ZFYVE27: variants seen among roughly 807,000 people sequenced by gnomAD.
ZFYVE27 encodes zinc finger FYVE-type containing 27.
In ZFYVE27, 36 loss-of-function variants were observed where a neutral mutation model predicts 52.8. The observed-to-expected ratio is 0.68, with a 90% CI of 0.52 to 0.90. ZFYVE27 has a LOEUF of 0.90. ZFYVE27 is among the 40% of genes least tolerant of loss of function. The pLI, the probability that ZFYVE27 is intolerant of heterozygous loss-of-function variation, is 0.00. For missense variants in ZFYVE27, 450 were observed against 527.2 expected (o/e 0.85, Z 1.43); for synonymous variants, 223 against 215.6 (o/e 1.03, Z -0.30).
Position 97,759,463 on chromosome 10 carries a change from C to A in ZFYVE27, c.*163C>A. 3 of 758,534 alleles carry A rather than the reference C, an allele frequency of 4.0e-6. No homozygotes were observed. Among genetic ancestry groups the A allele is most frequent in the Non-Finnish European group, 4.6e-6 (2 of 436,246 alleles). 47.0% of individuals were successfully genotyped at this position (758,534 alleles called of 1,614,324 possible). On this transcript the variant is annotated 3_prime_UTR_variant, in exon 13 of 13. Coordinates refer to ENST00000684270, the MANE Select transcript of ZFYVE27 (RefSeq NM_001385875.1). The stretch of plus-strand genomic sequence containing the variant: ...CACTCTCTCCAGCTGGATTCTGGAG[C>A]TGTTCTCCATCCATGAGAGTGGCTG...
At chr10:97,753,692 G>C (rs1156701782) in intron 10 of ZFYVE27, among the ~76,000 whole-genome samples, 1 of 152,196 alleles carries the variant, frequency 6.6e-6, no homozygotes, top group Non-Finnish European at 1.5e-5. Flanking sequence ...TAGTACTTAC[G>C]AAGGGCTAGC....
intron 11 of ZFYVE27, 96 bp from the exon 12 acceptor site, chr10:97,757,546 C>T: frequency 7.0e-7 from 1 of 1,433,672 alleles, no homozygotes; most frequent in Non-Finnish European, 9.8e-7. Flanking sequence ...GGCCCAGTTT[C>T]CTTGGGTGGG....
chr10:97,749,284 T>A (rs1310935540), intron 5 of ZFYVE27, among the ~76,000 whole-genome samples, 190 bp from the exon 6 acceptor site: 1 of 152,194 alleles, frequency 6.6e-6, no homozygotes, highest in Non-Finnish European at 1.5e-5. Context: ...GCATCAGGTG[T>A]TTGCACCGGT....
At position 97,759,236 on chromosome 10, in the gene ZFYVE27, C is replaced by T. The variant is rs2049166311; in HGVS notation, c.1172C>T (p.Ala391Val). 6.2e-7 allele frequency: 1 copy of T among 1,614,022 alleles called. No individual in the cohort carries two copies. Among genetic ancestry groups the T allele is most frequent in the Admixed American group, 1.7e-5 (1 of 59,994 alleles). ...KVPKSSMGAT[A>V]PEAQRETVFV... ...TCACCAAGTTCTTCCTCCTTTTCAG[C>T]CCCTGAAGCCCAGAGGGAGACTGTG... The change falls in exon 13 of 13, where the codon GCC (alanine) becomes GTC (valine). Residue 391 changes from alanine to valine, a missense_variant and splice_region_variant. By Grantham distance (64) the Ala-to-Val change is moderately conservative. Transcript: ENST00000684270.
intron 8 of ZFYVE27, among the ~76,000 whole-genome samples, chr10:97,751,857 T>G (rs970922564): frequency 6.6e-6 from 1 of 151,750 alleles, no homozygotes; most frequent in Non-Finnish European, 1.5e-5. Context: ...GGAGGGGAGG[T>G]TGGAGAAAGT....
Position 97,737,170 on chromosome 10 carries a change from G to C in ZFYVE27, c.-153G>C, listed in dbSNP as rs1268880918. 6.6e-6 allele frequency: 1 copy of C among 152,498 alleles called. No individual in the cohort carries two copies. The highest frequency in any genetic ancestry group is 2.4e-5 in the African/African-American group (1 of 41,468). The allele number at this position is 152,498 out of a possible 1,614,324, so 9.4% of individuals were successfully genotyped here. ...CGGCGGTGGCGGCCGCGGCGTAGGC[G>C]GAGGAGATTTTCGGACCTGCGACTT... On this transcript the variant is annotated 5_prime_UTR_variant, in exon 1 of 13. Coordinates refer to ENST00000684270, the MANE Select transcript of ZFYVE27 (RefSeq NM_001385875.1).
rs755573435 is a variant in ZFYVE27, at chr10:97,749,595, T to C, written c.664+9T>C. The C allele has an allele frequency of 6.2e-7, 1 of 1,610,820 alleles. No homozygotes were observed. Among genetic ancestry groups the C allele is most frequent in the Non-Finnish European group, 8.5e-7 (1 of 1,176,972 alleles). The stretch of plus-strand genomic sequence containing the variant: ...TGTGGAGTTCTTCCGAGGTAAGCCC[T>C]GAAGGGCCTGAAAGATGGGGCCCAA... On this transcript the variant is annotated intron_variant, in intron 6 of 12. Transcript: ENST00000684270.
intron 11 of ZFYVE27, 88 bp downstream of exon 11, chr10:97,757,399 C>A (rs1486229343): frequency 5.0e-6 from 8 of 1,589,884 alleles, no homozygotes; most frequent in Non-Finnish European, 6.9e-6. Flanking sequence ...TTGAGAAAGT[C>A]TGGCTCGGGT....
chr10:97,742,370 T>C (rs1192648980), intron 2 of ZFYVE27, among the ~76,000 whole-genome samples: 1 of 152,162 alleles, frequency 6.6e-6, no homozygotes, highest in East Asian at 1.9e-4. Flanking sequence ...CTGGTCTTCC[T>C]TGTTCCCTGT....
chr10:97,758,845 C>T (rs781602376), intron 12 of ZFYVE27, among the ~76,000 whole-genome samples: 5 of 151,934 alleles, frequency 3.3e-5, no homozygotes, highest in Non-Finnish European at 5.9e-5. Context: ...GCAGTGGCGC[C>T]ATCTCGGCTC....
chr10:97,743,374 G>A (rs1225510841), intron 3 of ZFYVE27, among the ~76,000 whole-genome samples: 1 of 152,160 alleles, frequency 6.6e-6, no homozygotes, highest in Non-Finnish European at 1.5e-5. Flanking sequence ...GAACTTCCCT[G>A]TTAAGGCCTA....
intron 12 of ZFYVE27, 56 bp downstream of exon 12, chr10:97,757,779 C>T (rs983577565): frequency 2.6e-5 from 41 of 1,568,542 alleles, no homozygotes; most frequent in East Asian, 4.5e-5. Context: ...GGGGATGTCA[C>T]GCTGTGGCAC....
chr10:97,749,074 G>T (rs1013517865), intron 5 of ZFYVE27, among the ~76,000 whole-genome samples: 1 of 152,154 alleles, frequency 6.6e-6, no homozygotes, highest in Non-Finnish European at 1.5e-5. Context: ...ACTCTATTAG[G>T]TAGGCGCTAC....
rs1459208556 is a variant in ZFYVE27 at position 97,760,401 on chromosome 10, G to C, written c.*1101G>C. On this transcript the variant is annotated 3_prime_UTR_variant, in exon 13 of 13. Transcript: ENST00000684270. Reference sequence around the variant, plus strand: ...GGCTCAGTATCTCTCCCTTAGCCATGAGCTGGCTCAGGCATCCCTTCCCTT... The same window carrying C: ...GGCTCAGTATCTCTCCCTTAGCCATCAGCTGGCTCAGGCATCCCTTCCCTT... 6.6e-6 allele frequency: 1 copy of C among 152,294 alleles called. No homozygotes were observed. The highest frequency in any genetic ancestry group is 2.4e-5 in the African/African-American group (1 of 41,456). 9.4% of individuals were successfully genotyped at this position (152,294 alleles called of 1,614,324 possible).
chr10:97,754,852 A>G, intron 10 of ZFYVE27: 1 of 1,287,098 alleles, frequency 7.8e-7, no homozygotes, highest in Middle Eastern at 2.1e-4. Context: ...ACAACTTCTA[A>G]GTAAAGGTAC....
At chr10:97,738,796 C>T in intron 2 of ZFYVE27, 122 bp downstream of exon 2, 1 of 1,146,336 alleles carries the variant, frequency 8.7e-7, no homozygotes, top group East Asian at 2.4e-5. Flanking sequence ...AGGAGCAGTT[C>T]TGGGAGGTCT....
intron 12 of ZFYVE27, chr10:97,758,318 C>CA (rs1174465376): frequency 6.7e-6 from 1 of 149,480 alleles, no homozygotes; most frequent in Non-Finnish European, 1.5e-5. Flanking sequence ...AATGTTAAAC[C>CA]AAGTTTTTTT....
chr10:97,738,438 G>T (rs776126488), intron 1 of ZFYVE27, 39 bp from the exon 2 acceptor site: 2 of 1,607,536 alleles, frequency 1.2e-6, no homozygotes, highest in Admixed American at 3.3e-5. Flanking sequence ...TTGAGGACTA[G>T]ACGTGCAATG....
In ZFYVE27 at chr10:97,758,929, G is replaced by A. The variant is rs557795351; in HGVS notation, c.1172-307G>A. ...CCTGAGTAGCTGGGATTACAGGCGT[G>A]CATCACCATGCCTGGCTAATTTTTG... On this transcript the variant is annotated intron_variant, in intron 12 of 12. Coordinates refer to ENST00000684270, the MANE Select transcript of ZFYVE27 (RefSeq NM_001385875.1). 1.4e-3 allele frequency among the ~76,000 whole-genome samples: 214 copies of A among 152,324 alleles called. 1 individual carries two copies. The highest frequency in any genetic ancestry group is 5.0e-3 in the African/African-American group (206 of 41,572).
Sources: allele counts gnomAD v4.1 joint callset (sites outside exome capture counted in the v4.1 genomes callset), GRCh38; gene constraint gnomAD v4.1.1; transcripts MANE v1.5; gene names NCBI Gene and HGNC (gene_info 2026-07-23, HGNC 2026-07-21).